AGMO: variants seen among roughly 807,000 people sequenced by gnomAD.
AGMO encodes the protein glyceryl-ether monooxygenase.
In AGMO, 75 loss-of-function variants were observed where a neutral mutation model predicts 60.2. That is an observed-to-expected ratio of 1.25 (90% CI 1.03 to 1.51). The LOEUF (loss-of-function observed/expected upper bound fraction) is 1.51. AGMO is among the 40% of genes most tolerant of loss of function. The pLI is 0.00. For synonymous variants in AGMO, 261 were observed against 177.1 expected (o/e 1.47, Z -3.76); for missense variants, 763 against 525.5 (o/e 1.45, Z -4.42).
chr7:15,372,435 G>A (rs562136238), intron 10 of AGMO, among the ~76,000 whole-genome samples: 9 of 152,172 alleles, frequency 5.9e-5, no homozygotes, highest in Admixed American at 2.6e-4. Context: ...CAGCCTGTGC[G>A]TCACAGCGAG....
chr7:15,384,166 T>G (rs760612465), intron 10 of AGMO, among the ~76,000 whole-genome samples: 1 of 152,178 alleles, frequency 6.6e-6, no homozygotes, highest in African/African-American at 2.4e-5. Context: ...CTCGATCTCC[T>G]GACCTCGTGA....
chr7:15,208,034 T>TAA (rs1781486021), intron 12 of AGMO, among the ~76,000 whole-genome samples: 1 of 152,220 alleles, frequency 6.6e-6, no homozygotes, highest in African/African-American at 2.4e-5. Context: ...AACTTGATTA[T>TAA]GTCTGCGATT....
the AGMO span, among the ~76,000 whole-genome samples, chr7:15,190,090 T>TGCAGCAAAC: frequency 1.0e-3 from 1 of 988 alleles, no homozygotes; most frequent in Non-Finnish European, 3.0e-3. Context: ...TATATATATA[T>TGCAGCAAAC]ATATTTATAT....
At chr7:15,354,014 C>T (rs74640053) in intron 12 of AGMO, among the ~76,000 whole-genome samples, 16,028 of 152,020 alleles carry the variant, frequency 0.11, 962 homozygotes, top group Admixed American at 0.18. Context: ...TGTGTCAAAA[C>T]TAGTCTTTTA....
rs564454481 is a variant in AGMO, at chr7:15,344,419, G to A, written c.1263+21095C>T. On this transcript the variant is annotated intron_variant, in intron 12 of 12. Coordinates refer to ENST00000342526, the MANE Select transcript of AGMO (RefSeq NM_001004320.2). ...TTAAAACTTAAAATCTGGATGCTAG[G>A]CCAGGTATTGTAGCTCACTCCTGTA... is the stretch of plus-strand genomic sequence containing the variant. Among the ~76,000 whole-genome samples the A allele has an allele frequency of 1.2e-3, 190 of 152,226 alleles. 1 individual carries two copies. The highest frequency in any genetic ancestry group is 2.5e-3 in the Non-Finnish European group (169 of 68,018).
At chr7:15,137,694 C>A in the AGMO span, among the ~76,000 whole-genome samples, 1 of 152,178 alleles carries the variant, frequency 6.6e-6, no homozygotes, top group South Asian at 2.1e-4. Flanking sequence ...TGATGATTCA[C>A]AAGAACTATT....
intron 3 of AGMO, among the ~76,000 whole-genome samples, chr7:15,443,391 G>A (rs1276060578): frequency 2.6e-5 from 4 of 152,118 alleles, no homozygotes; most frequent in African/African-American, 4.8e-5. Flanking sequence ...AGCAAGCCAC[G>A]CCCATCTCAT....
chr7:15,396,574 C>G (rs1784397182), intron 5 of AGMO: 2 of 152,266 alleles, frequency 1.3e-5, no homozygotes, highest in African/African-American at 2.4e-5. Context: ...CAACAGCTTG[C>G]CGCTCCTTGC....
intron 12 of AGMO, among the ~76,000 whole-genome samples, chr7:15,356,953 C>CAAAAAAAAAAAA (rs917201250): frequency 1.5e-5 from 1 of 68,922 alleles, no homozygotes; most frequent in Non-Finnish European, 2.9e-5. Flanking sequence ...ACTAAAATTA[C>CAAAAAAAAAAAA]AAAAAAAAAA....
At chr7:15,463,262 T>C (rs576485106) in intron 3 of AGMO, among the ~76,000 whole-genome samples, 211 of 152,256 alleles carry the variant, frequency 1.4e-3, no homozygotes, top group African/African-American at 4.7e-3. Context: ...GTAATGGACA[T>C]GGACCTCAAT....
the AGMO span, among the ~76,000 whole-genome samples, chr7:15,121,474 C>T: frequency 6.6e-6 from 1 of 152,190 alleles, no homozygotes; most frequent in Non-Finnish European, 1.5e-5. Context: ...CACATCCTCT[C>T]TAGCATCTGT....
At chr7:15,273,152 T>C (rs935592758) in intron 12 of AGMO, among the ~76,000 whole-genome samples, 1 of 152,232 alleles carries the variant, frequency 6.6e-6, no homozygotes, top group Non-Finnish European at 1.5e-5. Context: ...TTTGTCAATT[T>C]TGGCTTTTCT....
At chr7:15,388,506 CTG>C (rs1562479550) in intron 8 of AGMO, among the ~76,000 whole-genome samples, 2 of 152,142 alleles carry the variant, frequency 1.3e-5, no homozygotes, top group Non-Finnish European at 2.9e-5. Flanking sequence ...ATTTTGGAAA[CTG>C]AGTACAGTTT....
rs1465533494 is a variant in AGMO at position 15,315,293 on chromosome 7, A to C, written c.1263+50221T>G. On this transcript the variant is annotated intron_variant, in intron 12 of 12. Coordinates refer to ENST00000342526, the MANE Select transcript of AGMO (RefSeq NM_001004320.2). ...AATTTTTAAGTATGATTGAGATGAA[A>C]ATTAAGATATAAGCAAAACTTACAT... Among the ~76,000 whole-genome samples, 3 of 150,960 alleles carry C rather than the reference A, an allele frequency of 2.0e-5. No homozygotes were observed. In the East Asian group the frequency reaches 5.8e-4, roughly 29 times the overall value.
intron 2 of AGMO, among the ~76,000 whole-genome samples, chr7:15,548,728 T>C (rs983601569): frequency 5.3e-5 from 8 of 152,188 alleles, no homozygotes; most frequent in Non-Finnish European, 1.5e-5. Flanking sequence ...TGGAACCAAG[T>C]TGGAAAACAC....
At chr7:15,519,516 G>A (rs1051071411) in intron 3 of AGMO, among the ~76,000 whole-genome samples, 3 of 152,156 alleles carry the variant, frequency 2.0e-5, no homozygotes, top group Admixed American at 2.0e-4. Context: ...CATTCTTAAA[G>A]AAAAGAATTT....
rs1043189372 is a variant in AGMO at position 15,201,328 on chromosome 7, C to T, written c.1295G>A (p.Gly432Glu). 17 of 1,612,172 alleles carry T rather than the reference C, an allele frequency of 1.1e-5. No homozygotes were observed. The African/African-American group carries it at 2.0e-4, about 19-fold the overall frequency. Residue 432 changes from glycine to glutamate, a missense_variant, in exon 13 of 13, where the codon GGA (glycine) becomes GAA (glutamate). Transcript: ENST00000342526. ...GGTGAGTTGTTTCATGCTTCTAACT[C>T]CCCAGAAAGCAATGCAAATGGAAAA... Reference protein sequence around the residue: ...IVFSICIAFWGVRSMKQLTSH... With the variant: ...IVFSICIAFWEVRSMKQLTSH...
At chr7:15,269,152 T>C (rs910756036) in intron 12 of AGMO, among the ~76,000 whole-genome samples, 2 of 152,060 alleles carry the variant, frequency 1.3e-5, no homozygotes, top group African/African-American at 4.8e-5. Flanking sequence ...CTAAAAGTGG[T>C]TGTACTCCAA....
At chr7:15,225,274 C>T (rs941921158) in intron 12 of AGMO, among the ~76,000 whole-genome samples, 14 of 151,900 alleles carry the variant, frequency 9.2e-5, no homozygotes, top group African/African-American at 3.4e-4. Flanking sequence ...AAGTTGCATT[C>T]CAAATGCTCC....
Sources: gnomAD v4.1 joint callset for allele counts (sites outside exome capture counted in the v4.1 genomes callset) on GRCh38, gnomAD v4.1.1 for gene constraint, MANE v1.5 for transcripts, NCBI Gene and HGNC (gene_info 2026-07-23, HGNC 2026-07-21) for gene names.